Variants in TTC23 observed in about 807,000 individuals in gnomAD.
TTC23 encodes the protein tetratricopeptide repeat protein 23.
Under a neutral mutation model 55.1 loss-of-function variants are expected in TTC23, and 58 were observed. The observed-to-expected ratio is 1.05, with a 90% CI of 0.85 to 1.31. The LOEUF (loss-of-function observed/expected upper bound fraction) is 1.31, where lower values mean the gene tolerates loss of function less well. Ranked by LOEUF, TTC23 falls within the 50% of genes most tolerant of loss-of-function variation. TTC23 has a pLI of 0.00. For missense variants in TTC23, 516 were observed against 534.4 expected (o/e 0.97, Z 0.34); for synonymous variants, 203 against 199.9 (o/e 1.02, Z -0.13).
chr15:99,241,101 G>A (rs2079750990), intron 3 of TTC23, among the ~76,000 whole-genome samples: 1 of 152,286 alleles, frequency 6.6e-6, no homozygotes, highest in Admixed American at 6.5e-5. Flanking sequence ...CAGATCACCT[G>A]AGGTCGGGAG....
chr15:99,212,573 G>A (rs1208566184), intron 8 of TTC23, among the ~76,000 whole-genome samples: 2 of 152,162 alleles, frequency 1.3e-5, no homozygotes, highest in Non-Finnish European at 2.9e-5. Flanking sequence ...TCAGGGATGG[G>A]AGGCATGGAG....
rs1224664390 is a variant in TTC23, at chr15:99,218,680, T to C, written c.489A>G (p.Ala163=). Residue 163 remains alanine, a synonymous_variant, in exon 8 of 14, where the codon GCA becomes GCG. Coordinates refer to ENST00000394132, the MANE Select transcript of TTC23 (RefSeq NM_001288615.3). ...FKEAAENLTK[A]ERLSKELLQC... is the part of the protein sequence containing the mutation. Reference sequence around the variant, plus strand: ...GTAGCAGCTCCTTTGAAAGTCTCTCTGCTTTTGTCAAATTCTCTGCAGCTT... The same window carrying C: ...GTAGCAGCTCCTTTGAAAGTCTCTCCGCTTTTGTCAAATTCTCTGCAGCTT... 4 of 1,614,092 alleles carry C rather than the reference T, an allele frequency of 2.5e-6. No individual in the cohort carries two copies. The highest frequency in any genetic ancestry group is 3.4e-6 in the Non-Finnish European group (4 of 1,180,054).
At chr15:99,195,806 T>TG (rs1386258035) in intron 9 of TTC23, among the ~76,000 whole-genome samples, 1 of 148,998 alleles carries the variant, frequency 6.7e-6, no homozygotes, top group African/African-American at 2.5e-5. Flanking sequence ...CTATGCATGG[T>TG]GGGGGGCAGG....
At chr15:99,213,825 C>T (rs1257895171) in intron 8 of TTC23, among the ~76,000 whole-genome samples, 1 of 152,164 alleles carries the variant, frequency 6.6e-6, no homozygotes, top group Non-Finnish European at 1.5e-5. Flanking sequence ...CAACTCTTGG[C>T]TATTACAAAT....
rs555874865 is a variant in TTC23 at position 99,174,933 on chromosome 15, G to C, written c.865+117C>G. On this transcript the variant is annotated intron_variant, in intron 10 of 13. Transcript: ENST00000394132. ...GGGGCAGATGATCAGATAAAACAAG[G>C]AAGGCTCTGTGGCGGGCCTGTGTCG... The C allele has an allele frequency of 3.1e-5, 23 of 745,298 alleles. No homozygotes were observed. In the African/African-American group the frequency reaches 3.7e-4, roughly 12 times the overall value. 46.2% of individuals were successfully genotyped at this position (745,298 alleles called of 1,614,324 possible).
chr15:99,152,204 C>T (rs892173416), intron 12 of TTC23, among the ~76,000 whole-genome samples: 7 of 152,140 alleles, frequency 4.6e-5, no homozygotes, highest in African/African-American at 7.2e-5. Flanking sequence ...CCTGCTTTCC[C>T]CATGCGACGT....
intron 1 of TTC23, among the ~76,000 whole-genome samples, chr15:99,247,823 G>A (rs1243561066): frequency 6.6e-6 from 1 of 151,380 alleles, no homozygotes. Context: ...AAATTTTCTA[G>A]GATGATGAAA....
chr15:99,159,067 A>G (rs376298840), intron 11 of TTC23: 21 of 152,482 alleles, frequency 1.4e-4, no homozygotes, highest in African/African-American at 4.8e-4. Context: ...GTGGCCCTAG[A>G]ATGAAAAGAG....
chr15:99,143,516 C>T (rs2068483605), intron 12 of TTC23, among the ~76,000 whole-genome samples: 1 of 152,210 alleles, frequency 6.6e-6, no homozygotes, highest in Admixed American at 6.5e-5. Context: ...CCAGATTCTT[C>T]TGAGAGGCAG....
intron 12 of TTC23, among the ~76,000 whole-genome samples, chr15:99,150,403 T>G (rs1555496243): frequency 6.6e-6 from 1 of 152,168 alleles, no homozygotes; most frequent in Non-Finnish European, 1.5e-5. Context: ...AGAGCAAGGC[T>G]CAAAAAATTT....
At chr15:99,203,706 T>C (rs1008283134) in intron 8 of TTC23, among the ~76,000 whole-genome samples, 3 of 151,598 alleles carry the variant, frequency 2.0e-5, no homozygotes, top group African/African-American at 7.3e-5. Flanking sequence ...TTTTCTTTCT[T>C]TTTTTTTTAA....
chr15:99,141,111 C>A lies in TTC23; in HGVS notation c.1144-1712G>T, dbSNP rs569206132. ...TTAAAGATACAAAGCAACAAGAATT[C>A]TTTTATATATTGATAGTGGGTATTC... On this transcript the variant is annotated intron_variant, in intron 12 of 13. Transcript: ENST00000394132. 7.9e-5 allele frequency: 12 copies of A among 152,190 alleles called. No individual in the cohort carries two copies. In the South Asian group the frequency reaches 8.3e-4, roughly 11 times the overall value. The allele number at this position is 152,190 out of a possible 1,614,324, so 9.4% of individuals were successfully genotyped here. A position where few individuals can be genotyped will look rare whatever the true frequency, so the allele number is the denominator to read the frequency against.
At chr15:99,205,198 T>C (rs901475894) in intron 8 of TTC23, among the ~76,000 whole-genome samples, 3 of 152,210 alleles carry the variant, frequency 2.0e-5, no homozygotes, top group Admixed American at 6.5e-5. Flanking sequence ...TTGGTGACTA[T>C]AGATCTGTAG....
intron 12 of TTC23, among the ~76,000 whole-genome samples, chr15:99,152,535 C>T (rs536852643): frequency 4.1e-4 from 62 of 152,064 alleles, no homozygotes; most frequent in African/African-American, 1.2e-3. Context: ...GCGCCAGCAG[C>T]TAATTTTTGT....
At chr15:99,236,872 C>T (rs1227630670) in intron 3 of TTC23, among the ~76,000 whole-genome samples, 2 of 152,082 alleles carry the variant, frequency 1.3e-5, no homozygotes, top group African/African-American at 2.4e-5. Context: ...TTTGAAGTAG[C>T]CCAATTTATT....
At chr15:99,141,616 T>C (rs1555490459) in intron 12 of TTC23, among the ~76,000 whole-genome samples, 2 of 152,138 alleles carry the variant, frequency 1.3e-5, no homozygotes, top group East Asian at 3.8e-4. Context: ...TAAAAAAAAG[T>C]GTGAGGGTTT....
chr15:99,152,282 T>C (rs189318603), intron 12 of TTC23, among the ~76,000 whole-genome samples: 4 of 152,362 alleles, frequency 2.6e-5, no homozygotes, highest in Admixed American at 2.6e-4. Context: ...GCTGAGCAGA[T>C]ACCAGCATCA....
intron 10 of TTC23, among the ~76,000 whole-genome samples, chr15:99,163,322 C>T (rs905363219): frequency 1.3e-5 from 2 of 152,114 alleles, no homozygotes; most frequent in South Asian, 2.1e-4. Flanking sequence ...GAGCAGCCTA[C>T]GGGAGCTGAG....
chr15:99,157,651 T>G (rs570895029), intron 11 of TTC23: 31 of 152,360 alleles, frequency 2.0e-4, no homozygotes, highest in African/African-American at 6.3e-4. Flanking sequence ...GCTATTCTCA[T>G]AGGAAATCGT....
Sources: gnomAD v4.1 joint callset for allele counts (sites outside exome capture counted in the v4.1 genomes callset) on GRCh38, gnomAD v4.1.1 for gene constraint, MANE v1.5 for transcripts, NCBI Gene and HGNC (gene_info 2026-07-23, HGNC 2026-07-21) for gene names.